HECW1: variants seen among roughly 807,000 people sequenced by gnomAD.
HECW1 encodes the protein E3 ubiquitin-protein ligase HECW1.
Under a neutral mutation model 182.3 loss-of-function variants are expected in HECW1, and 61 were observed. The observed-to-expected ratio is 0.33, with a 90% CI of 0.27 to 0.41. The LOEUF is 0.41. Ranked by LOEUF, HECW1 falls within the 10% of genes least tolerant of loss-of-function variation. The probability of loss-of-function intolerance (pLI) is 1.00; values close to 1 mark genes in which losing one functional copy is unlikely to be tolerated. For missense variants in HECW1, 1,739 were observed against 2,108.9 expected (o/e 0.82, Z 3.44); for synonymous variants, 859 against 832.6 (o/e 1.03, Z -0.55).
intron 2 of HECW1, among the ~76,000 whole-genome samples, chr7:43,229,814 G>A (rs1353875497): frequency 6.6e-6 from 1 of 152,202 alleles, no homozygotes; most frequent in Non-Finnish European, 1.5e-5. Flanking sequence ...TGACTTTACA[G>A]TGGAGAAATC....
chr7:43,382,370 T>G (rs1009760453), intron 6 of HECW1, among the ~76,000 whole-genome samples: 2 of 152,178 alleles, frequency 1.3e-5, no homozygotes, highest in South Asian at 4.1e-4. Flanking sequence ...ATGCCTGTGA[T>G]GCTCTCAGCA....
intron 26 of HECW1, among the ~76,000 whole-genome samples, chr7:43,546,946 C>T (rs1043448733): frequency 4.6e-5 from 7 of 152,128 alleles, no homozygotes; most frequent in Non-Finnish European, 1.0e-4. Context: ...GGGGCACTTT[C>T]GCCTGCATTA....
At chr7:43,142,518 C>T (rs1407017664) in intron 2 of HECW1, among the ~76,000 whole-genome samples, 1 of 152,142 alleles carries the variant, frequency 6.6e-6, no homozygotes, top group African/African-American at 2.4e-5. Flanking sequence ...GGCTCAGCTC[C>T]CTCCCCACAC....
At chr7:43,310,928 G>A (rs1461856226) in intron 3 of HECW1, among the ~76,000 whole-genome samples, 1 of 152,092 alleles carries the variant, frequency 6.6e-6, no homozygotes, top group Non-Finnish European at 1.5e-5. Context: ...CTTTGATGAA[G>A]TCAGAATCAC....
chr7:43,266,095 G>C (rs911436414), intron 3 of HECW1, among the ~76,000 whole-genome samples: 1 of 152,072 alleles, frequency 6.6e-6, no homozygotes, highest in Non-Finnish European at 1.5e-5. Flanking sequence ...TAAATCACTG[G>C]CCATTGATTG....
At chr7:43,416,264 G>T (rs1209689683) in intron 8 of HECW1, among the ~76,000 whole-genome samples, 1 of 150,838 alleles carries the variant, frequency 6.6e-6, no homozygotes, top group Non-Finnish European at 1.5e-5. Flanking sequence ...ACCCTCAGCT[G>T]CAGGTCTGTT....
intron 4 of HECW1, 61 bp from the exon 5 acceptor site, chr7:43,320,574 C>T: frequency 8.7e-7 from 1 of 1,144,386 alleles, no homozygotes; most frequent in Non-Finnish European, 1.3e-6. Flanking sequence ...TCTTTTATTC[C>T]CCTAAATATG....
At chr7:43,115,721 C>T (rs1158186659) in intron 2 of HECW1, among the ~76,000 whole-genome samples, 6 of 152,288 alleles carry the variant, frequency 3.9e-5, no homozygotes, top group Non-Finnish European at 8.8e-5. Context: ...CACAATTTTC[C>T]GTAGTTGTGC....
chr7:43,418,739 C>T (rs2076091187), intron 8 of HECW1, among the ~76,000 whole-genome samples: 2 of 151,874 alleles, frequency 1.3e-5, no homozygotes, highest in Non-Finnish European at 2.9e-5. Context: ...TTTCCTTTAC[C>T]ACACTGGATA....
intron 24 of HECW1, 66 bp downstream of exon 24, chr7:43,509,187 A>G (rs756084947): frequency 3.9e-6 from 6 of 1,538,470 alleles, no homozygotes; most frequent in Non-Finnish European, 5.3e-6. Context: ...AGAATTCAGC[A>G]GCATTTCTCA....
Position 43,445,539 on chromosome 7 carries a change from C to G in HECW1, c.2367C>G (p.Ser789=), listed in dbSNP as rs1265462699. 13 of 1,602,022 alleles carry G rather than the reference C, an allele frequency of 8.1e-6. No homozygotes were observed. The highest frequency in any genetic ancestry group is 1.1e-5 in the Non-Finnish European group (13 of 1,171,966). ...HVERSPEGLE[S]PVAGPSNRRE... Reference sequence around the variant, plus strand: ...AAAGAAGCCCGGAAGGTCTGGAATCCCCCGTGGCAGGTCCAAGCAATCGGA... The same window carrying G: ...AAAGAAGCCCGGAAGGTCTGGAATCGCCCGTGGCAGGTCCAAGCAATCGGA... Residue 789 remains serine (S), a synonymous_variant, in exon 11 of 30, where the codon TCC becomes TCG. Coordinates refer to ENST00000395891, the MANE Select transcript of HECW1 (RefSeq NM_015052.5).
At position 43,134,298 on chromosome 7, in the gene HECW1, G is replaced by A. The variant is rs191827223; in HGVS notation, c.-32+19907G>A. Among the ~76,000 whole-genome samples, 941 of 142,618 alleles carry A rather than the reference G, an allele frequency of 6.6e-3. 8 individuals are homozygous for A. Among genetic ancestry groups the A allele is most frequent in the African/African-American group, 0.023 (904 of 38,654 alleles). The allele number at this position is 142,618 out of a possible 152,430, so 93.6% of individuals were successfully genotyped here. ...AATCCCAGCTACTTGGGAGGCTGAA[G>A]CAGAAGAACCGCTTGAACCCGGGAG... On this transcript the variant is annotated intron_variant, in intron 2 of 29. Transcript: ENST00000395891.
At chr7:43,296,832 C>T (rs929760907) in intron 3 of HECW1, among the ~76,000 whole-genome samples, 3 of 152,332 alleles carry the variant, frequency 2.0e-5, no homozygotes, top group Non-Finnish European at 2.9e-5. Flanking sequence ...AAACATCCCC[C>T]TTCTGTGTCC....
intron 2 of HECW1, chr7:43,163,002 C>T (rs2152658731): frequency 6.6e-6 from 1 of 152,286 alleles, no homozygotes; most frequent in South Asian, 2.1e-4. Flanking sequence ...AGTTGCTTAC[C>T]TTTGTTAGAC....
At chr7:43,129,913 G>A (rs1357648688) in intron 2 of HECW1, among the ~76,000 whole-genome samples, 1 of 152,068 alleles carries the variant, frequency 6.6e-6, no homozygotes, top group Non-Finnish European at 1.5e-5. Flanking sequence ...TGTAAATAGG[G>A]GTTATATTGT....
At chr7:43,438,735 G>T (rs2076787406) in intron 9 of HECW1, 1 of 152,194 alleles carries the variant, frequency 6.6e-6, no homozygotes, top group African/African-American at 2.4e-5. Context: ...TCCACTCATG[G>T]TTCTCATTAA....
At chr7:43,142,515 C>T (rs1788266728) in intron 2 of HECW1, among the ~76,000 whole-genome samples, 1 of 152,158 alleles carries the variant, frequency 6.6e-6, no homozygotes, top group Admixed American at 6.5e-5. Flanking sequence ...TCTGGCTCAG[C>T]TCCCTCCCCA....
intron 3 of HECW1, among the ~76,000 whole-genome samples, chr7:43,270,640 G>A (rs919797413): frequency 6.6e-6 from 1 of 152,168 alleles, no homozygotes; most frequent in African/African-American, 2.4e-5. Flanking sequence ...GACCATCTCA[G>A]GGGCTGGCAA....
At chr7:43,285,663 A>G (rs1245013103) in intron 3 of HECW1, among the ~76,000 whole-genome samples, 1 of 152,088 alleles carries the variant, frequency 6.6e-6, no homozygotes, top group African/African-American at 2.4e-5. Flanking sequence ...ATTTTTAAAA[A>G]TAGCTGGGTG....
Sources: allele counts gnomAD v4.1 joint callset (sites outside exome capture counted in the v4.1 genomes callset), GRCh38; gene constraint gnomAD v4.1.1; transcripts MANE v1.5; gene names NCBI Gene and HGNC (gene_info 2026-07-23, HGNC 2026-07-21).